Variants in TAFA1 observed in about 807,000 individuals in gnomAD.
The protein encoded by TAFA1 is TAFA chemokine like family member 1, also known as chemokine-like protein TAFA-1.
In TAFA1, 4 loss-of-function variants were observed where a neutral mutation model predicts 18.5. That is an observed-to-expected ratio of 0.22 (90% CI 0.11 to 0.49). The LOEUF is 0.49. TAFA1 is among the 20% of genes least tolerant of loss of function. TAFA1 has a pLI of 0.98. For synonymous variants in TAFA1, 56 were observed against 55.2 expected, an observed-to-expected ratio of 1.01 and a Z score of -0.06; for missense variants, 147 against 169.0, an observed-to-expected ratio of 0.87 and a Z score of 0.72.
chr3:68,538,242 C>A (rs1204405679), intron 3 of TAFA1, among the ~76,000 whole-genome samples: 5 of 152,160 alleles, frequency 3.3e-5, no homozygotes, highest in African/African-American at 1.2e-4. Context: ...AATCTCGCAG[C>A]CTCCAGAACA....
Position 68,205,253 on chromosome 3 carries a change from C to A in TAFA1, c.118+198509C>A, listed in dbSNP as rs117433966. Among the ~76,000 whole-genome samples the A allele has an allele frequency of 2.0e-5, 3 of 151,920 alleles. No individual in the cohort carries two copies. The East Asian group carries it at 5.9e-4, about 30-fold the overall frequency. On this transcript the variant is annotated intron_variant, in intron 2 of 4. Transcript: ENST00000478136. ...GAGCTGAAACTCTTAGTCGATAAAC[C>A]CATTGGAAATCATTACAAGCACTGA...
intron 3 of TAFA1, among the ~76,000 whole-genome samples, chr3:68,431,109 A>G (rs771584050): frequency 6.6e-6 from 1 of 151,944 alleles, no homozygotes; most frequent in Non-Finnish European, 1.5e-5. Flanking sequence ...AAAAGCCTCT[A>G]TAACACCTAT....
intron 2 of TAFA1, among the ~76,000 whole-genome samples, chr3:68,343,494 G>A (rs1209385419): frequency 2.0e-5 from 3 of 152,146 alleles, no homozygotes; most frequent in Non-Finnish European, 2.9e-5. Context: ...TGTAGGTAAA[G>A]ATAATAAAGT....
intron 2 of TAFA1, among the ~76,000 whole-genome samples, chr3:68,270,011 G>A (rs1314096562): frequency 3.9e-5 from 6 of 152,126 alleles, no homozygotes; most frequent in Non-Finnish European, 8.8e-5. Flanking sequence ...ACCTTGGAAA[G>A]TCTGTGCCCC....
intron 2 of TAFA1, among the ~76,000 whole-genome samples, chr3:68,022,367 A>G (rs1275666959): frequency 6.6e-6 from 1 of 152,196 alleles, no homozygotes; most frequent in Non-Finnish European, 1.5e-5. Flanking sequence ...ATCCAGTGTT[A>G]GGTAAATGAA....
At chr3:68,168,874 C>A (rs968512976) in intron 2 of TAFA1, among the ~76,000 whole-genome samples, 1 of 152,314 alleles carries the variant, frequency 6.6e-6, no homozygotes, top group African/African-American at 2.4e-5. Context: ...GATGCAATTT[C>A]TACCTTCTCT....
In TAFA1 at chr3:68,317,140, A is replaced by G. The variant is rs1012781731; in HGVS notation, c.119-100140A>G. Among the ~76,000 whole-genome samples, 4 of 152,194 alleles carry G rather than the reference A, an allele frequency of 2.6e-5. 1 individual carries two copies. Among genetic ancestry groups the G allele is most frequent in the Admixed American group, 2.0e-4 (3 of 15,268 alleles). ...AAGGGAATGGTAATTGAGTATTAGGAAAAAGAGTTCCAATGCGTCATTTAA... is the reference window on the plus strand; with the variant it reads ...AAGGGAATGGTAATTGAGTATTAGGGAAAAGAGTTCCAATGCGTCATTTAA... On this transcript the variant is annotated intron_variant, in intron 2 of 4. Coordinates refer to ENST00000478136, the MANE Select transcript of TAFA1 (RefSeq NM_213609.4).
chr3:68,517,504 C>A (rs1220806522), intron 3 of TAFA1, among the ~76,000 whole-genome samples: 1 of 152,078 alleles, frequency 6.6e-6, no homozygotes. Flanking sequence ...GCAGGGAAAG[C>A]CGTGCAAATG....
intron 2 of TAFA1, among the ~76,000 whole-genome samples, chr3:68,209,357 GA>G (rs1347377925): frequency 6.6e-6 from 1 of 151,974 alleles, no homozygotes; most frequent in East Asian, 1.9e-4. Flanking sequence ...ATACAGCCTG[GA>G]ACATGCCTAA....
intron 2 of TAFA1, among the ~76,000 whole-genome samples, chr3:68,013,537 T>C (rs1704513001): frequency 6.6e-6 from 1 of 152,154 alleles, no homozygotes; most frequent in Admixed American, 6.5e-5. Flanking sequence ...ATAGGAGTTG[T>C]CTTGAGGGAC....
intron 2 of TAFA1, among the ~76,000 whole-genome samples, chr3:68,206,131 A>G (rs913813670): frequency 4.6e-5 from 7 of 151,918 alleles, no homozygotes; most frequent in Non-Finnish European, 8.8e-5. Flanking sequence ...TCTTTGGTGA[A>G]TGCTAAAGAA....
intron 2 of TAFA1, among the ~76,000 whole-genome samples, chr3:68,155,156 A>G (rs2065852009): frequency 1.3e-5 from 2 of 152,164 alleles, no homozygotes; most frequent in African/African-American, 4.8e-5. Context: ...ATCTCTGGGC[A>G]TACTCCTCAT....
chr3:68,126,491 T>C (rs1043225740), intron 2 of TAFA1, among the ~76,000 whole-genome samples: 3 of 152,244 alleles, frequency 2.0e-5, no homozygotes, highest in African/African-American at 7.2e-5. Flanking sequence ...CCCCAAAATC[T>C]TGAAGAGAAA....
the TAFA1 span, among the ~76,000 whole-genome samples, chr3:67,993,127 G>GGAAAC: frequency 6.6e-6 from 1 of 152,088 alleles, no homozygotes; most frequent in South Asian, 2.1e-4. Flanking sequence ...AAATAGGAAA[G>GGAAAC]AACCTAGTCC....
intron 4 of TAFA1, 130 bp from the exon 5 acceptor site, chr3:68,544,356 A>T: frequency 1.2e-6 from 1 of 812,762 alleles, no homozygotes; most frequent in Non-Finnish European, 2.0e-6. Flanking sequence ...AAGATTTTTG[A>T]CTTCAGATCA....
chr3:68,471,427 A>G (rs775759193), intron 3 of TAFA1, among the ~76,000 whole-genome samples: 2 of 152,162 alleles, frequency 1.3e-5, no homozygotes, highest in Non-Finnish European at 2.9e-5. Context: ...GACACTCAAC[A>G]TCAGTCTGTG....
intron 3 of TAFA1, among the ~76,000 whole-genome samples, chr3:68,530,768 C>CA (rs201227025): frequency 6.7e-5 from 10 of 149,554 alleles, no homozygotes; most frequent in Non-Finnish European, 1.2e-4. Context: ...TAGCTCAGAT[C>CA]AAAAAAAAAG....
intron 2 of TAFA1, among the ~76,000 whole-genome samples, chr3:68,345,421 A>G (rs1331998918): frequency 1.3e-5 from 2 of 152,166 alleles, no homozygotes; most frequent in Non-Finnish European, 2.9e-5. Context: ...GCAATTTCCA[A>G]AGAAAACCAA....
At chr3:68,121,289 G>A (rs977092680) in intron 2 of TAFA1, among the ~76,000 whole-genome samples, 7 of 130,034 alleles carry the variant, frequency 5.4e-5, no homozygotes, top group African/African-American at 1.4e-4. Context: ...GTGTGTGTGT[G>A]TATACTATGT....
Sources: allele counts gnomAD v4.1 joint callset (sites outside exome capture counted in the v4.1 genomes callset), GRCh38; gene constraint gnomAD v4.1.1; transcripts MANE v1.5; gene names NCBI Gene and HGNC (gene_info 2026-07-23, HGNC 2026-07-21).